Variants in CHCHD3 observed in about 807,000 individuals in gnomAD.
CHCHD3 encodes the protein coiled-coil-helix-coiled-coil-helix domain containing 3, also known as MICOS complex subunit MIC19.
A neutral mutation model predicts 38.2 loss-of-function variants in CHCHD3; 20 were observed. The ratio of observed to expected loss-of-function variants is 0.52; its 90% CI spans 0.37 to 0.76. The LOEUF is 0.76. Among genes scored for constraint, CHCHD3 ranks in the 30% least tolerant of loss-of-function variants. The pLI is 0.00. For synonymous variants in CHCHD3, 82 were observed against 100.0 expected (o/e 0.82, Z 1.07); for missense variants, 245 against 279.2 (o/e 0.88, Z 0.87).
At chr7:133,078,478 T>C (rs1815067011) in intron 1 of CHCHD3, among the ~76,000 whole-genome samples, 2 of 152,112 alleles carry the variant, frequency 1.3e-5, no homozygotes, top group East Asian at 1.9e-4. Context: ...TGAGACCAGC[T>C]TGGGCAACAC....
chr7:132,844,767 A>C (rs1264415390), intron 5 of CHCHD3, among the ~76,000 whole-genome samples: 1 of 152,242 alleles, frequency 6.6e-6, no homozygotes, highest in Non-Finnish European at 1.5e-5. Context: ...GTCAAAGATA[A>C]GCCAAGTAAG....
At chr7:132,810,194 C>T (rs897190227) in intron 6 of CHCHD3, among the ~76,000 whole-genome samples, 1 of 152,142 alleles carries the variant, frequency 6.6e-6, no homozygotes, top group Non-Finnish European at 1.5e-5. Flanking sequence ...CAAGTAGTTG[C>T]TAATATTTTC....
At chr7:132,999,132 C>T (rs1030457513) in intron 3 of CHCHD3, among the ~76,000 whole-genome samples, 1 of 152,270 alleles carries the variant, frequency 6.6e-6, no homozygotes, top group Middle Eastern at 3.4e-3. Flanking sequence ...ACAAACAACA[C>T]TATTCAAAGA....
At chr7:132,963,172 T>A (rs1485522659) in intron 4 of CHCHD3, among the ~76,000 whole-genome samples, 2 of 148,810 alleles carry the variant, frequency 1.3e-5, no homozygotes, top group African/African-American at 4.9e-5. Context: ...ATATATATAA[T>A]ATATGTAGGC....
intron 3 of CHCHD3, among the ~76,000 whole-genome samples, chr7:133,019,752 T>C (rs1235554812): frequency 1.3e-5 from 2 of 152,192 alleles, no homozygotes; most frequent in Non-Finnish European, 2.9e-5. Flanking sequence ...ACACTTTCAC[T>C]TGCCTTTATA....
intron 5 of CHCHD3, among the ~76,000 whole-genome samples, chr7:132,855,854 T>A (rs1190491370): frequency 1.5e-5 from 2 of 132,912 alleles, no homozygotes; most frequent in Admixed American, 8.7e-5. Context: ...CCAGAATGTG[T>A]CATATTTGTT....
chr7:132,887,001 AAAAAT>A (rs1482380064), intron 4 of CHCHD3: 8 of 1,278,292 alleles, frequency 6.3e-6, no homozygotes, highest in South Asian at 5.5e-5. Context: ...GCAGCATGTT[AAAAAT>A]AAAATAAACA....
intron 6 of CHCHD3, among the ~76,000 whole-genome samples, chr7:132,819,396 C>T (rs916402447): frequency 2.0e-5 from 3 of 152,128 alleles, no homozygotes; most frequent in African/African-American, 7.2e-5. Context: ...CGAGAAAACG[C>T]ACTTTTTTTT....
chr7:132,967,296 C>T (rs1331194256), intron 4 of CHCHD3, among the ~76,000 whole-genome samples: 8 of 152,146 alleles, frequency 5.3e-5, no homozygotes, highest in Non-Finnish European at 1.2e-4. Context: ...GTCTTCTTTT[C>T]TAATCACTGT....
At chr7:133,014,329 CAAA>C (rs35895641) in intron 3 of CHCHD3, among the ~76,000 whole-genome samples, 2 of 121,460 alleles carry the variant, frequency 1.6e-5, no homozygotes. Flanking sequence ...GGGGATAACT[CAAA>C]AAAAAAAAAA....
chr7:132,792,640 T>G (rs970114440), intron 7 of CHCHD3, among the ~76,000 whole-genome samples: 1 of 152,220 alleles, frequency 6.6e-6, no homozygotes, highest in Non-Finnish European at 1.5e-5. Flanking sequence ...TGAACAGGCA[T>G]GCTTATGCAC....
At chr7:132,868,689 T>G (rs1193564320) in intron 5 of CHCHD3, among the ~76,000 whole-genome samples, 1 of 152,116 alleles carries the variant, frequency 6.6e-6, no homozygotes, top group African/African-American at 2.4e-5. Flanking sequence ...AACATCCCAA[T>G]GTCATTTTGC....
rs571775142 is a variant in CHCHD3 at position 133,072,346 on chromosome 7, T to G, written c.82-2117A>C. 8.5e-5 allele frequency among the ~76,000 whole-genome samples: 13 copies of G among 152,206 alleles called. No individual in the cohort carries two copies. The East Asian group carries it at 2.5e-3, about 29-fold the overall frequency. On this transcript the variant is annotated intron_variant, in intron 1 of 7. Transcript: ENST00000262570. The stretch of plus-strand genomic sequence containing the variant: ...ATTTAAAATACTAACATTCACTGAG[T>G]GCTTATTATGTGCCAGGCGCTACAC...
At chr7:132,849,864 G>A (rs1302701167) in intron 5 of CHCHD3, among the ~76,000 whole-genome samples, 1 of 152,182 alleles carries the variant, frequency 6.6e-6, no homozygotes, top group Non-Finnish European at 1.5e-5. Flanking sequence ...GCAAAAGCCT[G>A]TGTTAGGGTG....
intron 3 of CHCHD3, among the ~76,000 whole-genome samples, chr7:132,986,722 T>A (rs1037797332): frequency 2.6e-5 from 4 of 152,198 alleles, no homozygotes; most frequent in African/African-American, 9.6e-5. Context: ...AACAGATTTT[T>A]AATGCAGACA....
chr7:133,081,813 T>A (rs1815179343), intron 1 of CHCHD3, 44 bp downstream of exon 1: 5 of 1,541,294 alleles, frequency 3.2e-6, no homozygotes, highest in Non-Finnish European at 4.4e-6. Context: ...GGCCTTGGGG[T>A]CCGAGTCCAA....
intron 3 of CHCHD3, among the ~76,000 whole-genome samples, chr7:132,995,509 A>G (rs903715130): frequency 6.6e-6 from 1 of 152,252 alleles, no homozygotes; most frequent in African/African-American, 2.4e-5. Context: ...AATCATAGAC[A>G]TACTTCAAGA....
chr7:132,827,771 T>C (rs1807542676), intron 6 of CHCHD3, among the ~76,000 whole-genome samples: 1 of 152,188 alleles, frequency 6.6e-6, no homozygotes, highest in African/African-American at 2.4e-5. Context: ...ATGAACCACA[T>C]AGGAAGTACT....
At chr7:132,900,100 A>G (rs1809627288) in intron 4 of CHCHD3, among the ~76,000 whole-genome samples, 1 of 152,210 alleles carries the variant, frequency 6.6e-6, no homozygotes, top group South Asian at 2.1e-4. Context: ...CTACTAGAAC[A>G]GAGCCTAAGC....
Sources: gnomAD v4.1 joint callset for allele counts (sites outside exome capture counted in the v4.1 genomes callset) on GRCh38, gnomAD v4.1.1 for gene constraint, MANE v1.5 for transcripts, NCBI Gene and HGNC (gene_info 2026-07-23, HGNC 2026-07-21) for gene names.